Variants in SHBG observed in about 807,000 individuals in gnomAD.
The protein encoded by SHBG is sex hormone binding globulin, also known as sex hormone-binding globulin.
In SHBG, 37 loss-of-function variants were observed where a neutral mutation model predicts 41.9. The observed-to-expected ratio is 0.88, with a 90% CI of 0.68 to 1.16. The LOEUF is 1.16. Ranked by LOEUF, SHBG falls within the 50% of genes most tolerant of loss-of-function variation. SHBG has a pLI of 0.00. For missense variants in SHBG, 466 were observed against 499.9 expected (o/e 0.93, Z 0.65); for synonymous variants, 217 against 205.8 (o/e 1.05, Z -0.47).
chr17:7,630,413 T>G lies in SHBG; in HGVS notation c.112-3T>G. 1 of 1,613,744 alleles carries G rather than the reference T, an allele frequency of 6.2e-7. No homozygotes were observed. The highest frequency in any genetic ancestry group is 8.5e-7 in the Non-Finnish European group (1 of 1,179,708). On this transcript the variant is annotated splice_polypyrimidine_tract_variant and splice_region_variant and intron_variant, in intron 1 of 7. Transcript: ENST00000380450. The surrounding 1 kb of genome is among the most constrained non-coding windows in gnomAD (Gnocchi z 4.6). ...AGCTTTGTTTGTTTTCTCTTTCTGA[T>G]AGAGTGCCCACGACCCTCCGGCTGT...
intron 6 of SHBG, 110 bp downstream of exon 6, chr17:7,632,125 A>T: frequency 8.8e-7 from 1 of 1,139,552 alleles, no homozygotes; most frequent in South Asian, 1.2e-5. Flanking sequence ...CAGGGAACAT[A>T]ACAAGACTGG....
rs374583574 is a variant in SHBG at position 7,630,717 on chromosome 17, G to C, written c.241G>C (p.Glu81Gln). 6.2e-7 allele frequency: 1 copy of C among 1,613,988 alleles called. No individual in the cohort carries two copies. Among genetic ancestry groups the C allele is most frequent in the Admixed American group, 1.7e-5 (1 of 59,986 alleles). The part of the protein sequence containing the change: ...SSFEVRTWDP[E>Q]GVIFYGDTNP... ...CTTTGAGGTTCGAACCTGGGACCCAGAGGGAGTGATTTTTTATGGGGATAC... is the reference window on the plus strand; with the variant it reads ...CTTTGAGGTTCGAACCTGGGACCCACAGGGAGTGATTTTTTATGGGGATAC... The change falls in exon 3 of 8, where the codon GAG becomes CAG. Residue 81 changes from glutamate (E) to glutamine (Q), a missense_variant. Coordinates refer to ENST00000380450, the MANE Select transcript of SHBG (RefSeq NM_001040.5). This position sits in a 1 kb window ranked among gnomAD's most constrained non-coding sequence, Gnocchi z 4.6.
At chr17:7,626,948 T>C, upstream of SHBG, 1 of 1,613,788 alleles carries the variant, frequency 6.2e-7, no homozygotes. Flanking sequence ...AGTACCCCGA[T>C]ATTCCGGCAT....
intron 7 of SHBG, 39 bp from the exon 8 acceptor site, chr17:7,633,165 T>G (rs1265805381): frequency 2.5e-6 from 4 of 1,612,978 alleles, no homozygotes; most frequent in Middle Eastern, 1.7e-4. Context: ...CCGAGCCACC[T>G]TAATGCTCTA....
chr17:7,621,843 ATTT>A lies in SHBG; in HGVS notation c.-62+7742_-62+7744del, dbSNP rs879388427. Among the ~76,000 whole-genome samples the A allele has an allele frequency of 2.1e-5, 3 of 144,486 alleles. No homozygotes were observed. The Admixed American group carries it at 2.1e-4, about 10-fold the overall frequency. 94.8% of individuals were successfully genotyped at this position (144,486 alleles called of 152,430 possible). On this transcript the variant is annotated intron_variant, in intron 1 of 5. Transcript: ENST00000570547. ...ATGGACAGATTTGAGAGACATTTTA[ATTT>A]TTTTTTTTTAGATGGAGTTTTGCTC... is the stretch of plus-strand genomic sequence containing the variant.
intron 1 of SHBG, chr17:7,614,644 G>T: frequency 5.5e-6 from 3 of 542,804 alleles, no homozygotes; most frequent in South Asian, 8.7e-5. Context: ...GGGGAGCCGC[G>T]GGGGGCGGGA....
At chr17:7,618,698 C>T (rs2072036589) in intron 1 of SHBG, among the ~76,000 whole-genome samples, 2 of 152,212 alleles carry the variant, frequency 1.3e-5, no homozygotes, top group South Asian at 2.1e-4. Context: ...TCTCAAAAAG[C>T]TCCATCAAAA....
chr17:7,621,789 G>C (rs1354702469), intron 1 of SHBG, among the ~76,000 whole-genome samples: 1 of 151,818 alleles, frequency 6.6e-6, no homozygotes, highest in Non-Finnish European at 1.5e-5. Context: ...TTTTCAAAGA[G>C]TGAGAACTTT....
At position 7,630,237 on chromosome 17, in the gene SHBG, G is replaced by A. The variant is rs9282845; in HGVS notation, c.65G>A (p.Arg22His). The change falls in exon 1 of 8, where the codon CGT becomes CAT. Residue 22 changes from arginine (R) to histidine (H), a missense_variant. By Grantham distance (29) the Arg-to-His change is conservative (BLOSUM62 0). Coordinates refer to ENST00000380450, the MANE Select transcript of SHBG (RefSeq NM_001040.5). The surrounding 1 kb of genome is among the most constrained non-coding windows in gnomAD (Gnocchi z 4.6). Reference protein sequence around the residue: ...LLLLLLLLLLRHTRQGWALRP... With the variant: ...LLLLLLLLLLHHTRQGWALRP... ...CTGTTGCTGCTGTTGCTACTACTGC[G>A]TCACACCCGCCAGGGATGGGCCCTG... The A allele has an allele frequency of 5.2e-5, 83 of 1,611,080 alleles. No homozygotes were observed. The East Asian group carries it at 1.4e-3, about 26-fold the overall frequency.
intron 1 of SHBG, among the ~76,000 whole-genome samples, chr17:7,615,789 G>T (rs2071972683): frequency 6.7e-6 from 1 of 148,332 alleles, no homozygotes; most frequent in Non-Finnish European, 1.5e-5. Flanking sequence ...AGCCAAGATC[G>T]CACCATTGCA....
rs548248396 is a variant in SHBG at position 7,631,702 on chromosome 17, C to A, written c.669C>A (p.Pro223=). 1 of 1,614,090 alleles carries A rather than the reference C, an allele frequency of 6.2e-7. No homozygotes were observed. Among genetic ancestry groups the A allele is most frequent in the East Asian group, 2.2e-5 (1 of 44,882 alleles). The change falls in exon 5 of 8, where the codon CCC becomes CCA. Residue 223 remains proline, a synonymous_variant. Transcript: ENST00000380450. ...SLRSCDVESN[P]GIFLPPGTQA... is the part of the protein sequence containing the mutation. ...GAAGCTGTGATGTAGAATCAAATCC[C>A]GGGATATTTCTCCCTCCAGGGACTC...
At chr17:7,627,728 C>T, upstream of SHBG, 1 of 1,441,692 alleles carries the variant, frequency 6.9e-7, no homozygotes, top group Non-Finnish European at 9.7e-7. This position sits in a 1 kb window ranked among gnomAD's most constrained non-coding sequence, Gnocchi z 4.8. Flanking sequence ...CCTGAAGAGC[C>T]TGAGAGAGCG....
Position 7,632,775 on chromosome 17 carries a change from G to A in SHBG, c.876G>A (p.Ser292=), listed in dbSNP as rs763698041. Residue 292 remains serine (S), a synonymous_variant, in exon 7 of 8, where the codon TCG becomes TCA. Coordinates refer to ENST00000380450, the MANE Select transcript of SHBG (RefSeq NM_001040.5). ...AGAAGGTGGTGTTGTCTTCTGGGTCGGGGCCAGGGCTGGATCTGCCCCTGG... is the reference window on the plus strand; with the variant it reads ...AGAAGGTGGTGTTGTCTTCTGGGTCAGGGCCAGGGCTGGATCTGCCCCTGG... ...QDQKVVLSSG[S]GPGLDLPLVL... 1.2e-5 allele frequency: 20 copies of A among 1,613,580 alleles called. No homozygotes were observed. The highest frequency in any genetic ancestry group is 5.3e-5 in the African/African-American group (4 of 74,886).
chr17:7,615,420 A>C (rs1316650745), intron 1 of SHBG, among the ~76,000 whole-genome samples: 1 of 152,244 alleles, frequency 6.6e-6, no homozygotes, highest in South Asian at 2.1e-4. Context: ...CTCTTCGCGT[A>C]TGCATCGCCG....
intron 1 of SHBG, chr17:7,614,908 C>A (rs923311936): frequency 6.5e-6 from 1 of 153,480 alleles, no homozygotes; most frequent in Non-Finnish European, 1.5e-5. Flanking sequence ...GCAGGCGCAC[C>A]GGGCACCCGC....
At chr17:7,624,944 T>TC (rs1491220033), upstream of SHBG, among the ~76,000 whole-genome samples, 3 of 108,182 alleles carry the variant, frequency 2.8e-5, no homozygotes, top group African/African-American at 1.2e-4. Context: ...AGGCGTGAGC[T>TC]TTTTTTTTTT....
chr17:7,630,376 A>T lies in SHBG; in HGVS notation c.112-40A>T. 1.9e-6 allele frequency: 3 copies of T among 1,599,712 alleles called. No homozygotes were observed. The highest frequency in any genetic ancestry group is 2.6e-6 in the Non-Finnish European group (3 of 1,166,986). On this transcript the variant is annotated intron_variant, in intron 1 of 7. Transcript: ENST00000380450. The surrounding 1 kb of genome is among the most constrained non-coding windows in gnomAD (Gnocchi z 4.6). The stretch of plus-strand genomic sequence containing the variant: ...GCCTCTCCCTCTGTCTGTCTCTGAC[A>T]TGTCCCTACTCAGCTTTGTTTGTTT...
At chr17:7,614,563 G>A (rs767742545) in intron 1 of SHBG, 70 of 1,402,460 alleles carry the variant, frequency 5.0e-5, no homozygotes, top group Non-Finnish European at 6.4e-5. Flanking sequence ...CTCCCCCGGC[G>A]GCGGCTGCAG....
Position 7,632,867 on chromosome 17 carries a change from T to C in SHBG, c.968T>C (p.Met323Thr). 1 of 1,614,140 alleles carries C rather than the reference T, an allele frequency of 6.2e-7. No individual in the cohort carries two copies. Among genetic ancestry groups the C allele is most frequent in the Non-Finnish European group, 8.5e-7 (1 of 1,179,992 alleles). ...SRVVLSQGSK[M>T]KALALPPLGL... ...GTGGTCTTGAGCCAAGGGTCGAAGA[T>C]GAAGGCCCTTGCCCTGCCTCCCTTA... The change falls in exon 7 of 8, where the codon ATG becomes ACG. Residue 323 changes from methionine to threonine, a missense_variant. By Grantham distance (81) the Met-to-Thr change is moderately conservative (BLOSUM62 -1). Coordinates refer to ENST00000380450, the MANE Select transcript of SHBG (RefSeq NM_001040.5).
Sources: gnomAD v4.1 joint callset for allele counts (sites outside exome capture counted in the v4.1 genomes callset) on GRCh38, gnomAD v4.1.1 for gene constraint, Gnocchi (gnomAD v3.1) non-coding constraint, MANE v1.5 for transcripts, NCBI Gene and HGNC (gene_info 2026-07-23, HGNC 2026-07-21) for gene names.